STK38: variants seen among roughly 807,000 people sequenced by gnomAD.
The protein encoded by STK38 is serine/threonine-protein kinase 38.
A neutral mutation model predicts 59.0 loss-of-function variants in STK38; 26 were observed. The ratio of observed to expected loss-of-function variants is 0.44; its 90% CI spans 0.32 to 0.61. STK38 has a LOEUF of 0.61. Among genes scored for constraint, STK38 ranks in the 20% least tolerant of loss-of-function variants. The pLI, the probability that STK38 is intolerant of heterozygous loss-of-function variation, is 0.04. For synonymous variants in STK38, 175 were observed against 176.6 expected (o/e 0.99, Z 0.07); for missense variants, 433 against 566.0 (o/e 0.76, Z 2.38).
At position 36,527,207 on chromosome 6, in the gene STK38, A is replaced by AATATATATATATAT. The variant is rs1554168829; in HGVS notation, c.132-1566_132-1565insATATATATATATAT. Among the ~76,000 whole-genome samples the AATATATATATATAT allele has an allele frequency of 7.8e-4, 93 of 119,332 alleles. 3 individuals are homozygous for AATATATATATATAT. Among genetic ancestry groups the AATATATATATATAT allele is most frequent in the Admixed American group, 6.8e-3 (66 of 9,708 alleles). 78.3% of individuals were successfully genotyped at this position (119,332 alleles called of 152,430 possible). A position where few individuals can be genotyped will look rare whatever the true frequency, so the allele number is the denominator to read the frequency against. ...ACTCCGTCTCAAAAAAAAAAAAAAA[A>AATATATATATATAT]ATATATGTATATATATATATATTTA... On this transcript the variant is annotated intron_variant, in intron 2 of 13. Coordinates refer to ENST00000229812, the MANE Select transcript of STK38 (RefSeq NM_007271.4).
intron 7 of STK38, 68 bp downstream of exon 7, chr6:36,515,270 C>T: frequency 1.3e-6 from 2 of 1,550,994 alleles, no homozygotes; most frequent in Non-Finnish European, 1.7e-6. Flanking sequence ...CACAGGGGTG[C>T]AGGTGTTAAA....
At position 36,495,803 on chromosome 6, in the gene STK38, T is replaced by C. The variant is rs1210956779; in HGVS notation, c.1379A>G (p.Tyr460Cys). 1.6e-5 allele frequency: 26 copies of C among 1,614,028 alleles called. No homozygotes were observed. Among genetic ancestry groups the C allele is most frequent in the Non-Finnish European group, 2.0e-5 (24 of 1,179,936 alleles). ...GLTARGAIPS[Y>C]MKAAK ...AGAGTACTATTTTGCTGCTTTCATGTAGGAAGGTATTGCCCCCCTTGCAGT... is the reference window on the plus strand; with the variant it reads ...AGAGTACTATTTTGCTGCTTTCATGCAGGAAGGTATTGCCCCCCTTGCAGT... The change falls in exon 14 of 14, where the codon TAC becomes TGC. Residue 460 changes from tyrosine (Y) to cysteine (C), a missense_variant. By Grantham distance (194) the Tyr-to-Cys change is radical (BLOSUM62 -2). Around this residue, in one of 3 missense-constraint regions of STK38, gnomAD observed 136 missense variants for 156.7 expected, o/e 0.87. Transcript: ENST00000229812.
rs1368099570 is a variant in STK38 at position 36,507,928 on chromosome 6, G to C, written c.670-326C>G. On this transcript the variant is annotated intron_variant, in intron 7 of 13. Transcript: ENST00000229812. ...TTCCTCTGTTTCTATATGGTATTCAGAATTTTTTTTTTTTTTTTTTTTTGA... is the reference window on the plus strand; with the variant it reads ...TTCCTCTGTTTCTATATGGTATTCACAATTTTTTTTTTTTTTTTTTTTTGA... Among the ~76,000 whole-genome samples, 3 of 119,842 alleles carry C rather than the reference G, an allele frequency of 2.5e-5. No homozygotes were observed. The East Asian group carries it at 8.1e-4, about 32-fold the overall frequency. The allele number at this position is 119,842 out of a possible 152,430, so 78.6% of individuals were successfully genotyped here. A position where few individuals can be genotyped will look rare whatever the true frequency, so the allele number is the denominator to read the frequency against.
intron 12 of STK38, 77 bp downstream of exon 12, chr6:36,497,703 T>A: frequency 8.2e-7 from 1 of 1,217,948 alleles, no homozygotes; most frequent in Non-Finnish European, 1.2e-6. Context: ...GGCTTGCCAA[T>A]GATGGTCCTT....
chr6:36,497,659 C>A, intron 12 of STK38, 121 bp downstream of exon 12: 2 of 755,734 alleles, frequency 2.6e-6, no homozygotes, highest in Non-Finnish European at 4.3e-6. Flanking sequence ...CAGGAAAAGA[C>A]CCTAAATCTC....
intron 2 of STK38, among the ~76,000 whole-genome samples, chr6:36,533,752 C>G (rs1262051093): frequency 6.6e-6 from 1 of 152,128 alleles, no homozygotes; most frequent in Non-Finnish European, 1.5e-5. Context: ...AAACTCATAA[C>G]CATTTGCTTT....
At chr6:36,507,930 A>ATTT (rs35789250) in intron 7 of STK38, among the ~76,000 whole-genome samples, 22,279 of 112,934 alleles carry the variant, frequency 0.2, 2,615 homozygotes, top group East Asian at 0.32. Flanking sequence ...GGTATTCAGA[A>ATTT]TTTTTTTTTT....
intron 9 of STK38, 76 bp from the exon 10 acceptor site, chr6:36,500,066 C>T: frequency 9.3e-7 from 1 of 1,076,198 alleles, no homozygotes; most frequent in South Asian, 1.3e-5. Flanking sequence ...AAACCAAAGG[C>T]TATGAGTAAC....
intron 7 of STK38, among the ~76,000 whole-genome samples, chr6:36,513,848 TAAAAAAAAAA>T (rs1178706954): frequency 0.12 from 7,607 of 63,952 alleles, 323 homozygotes; most frequent in South Asian, 0.28. Context: ...TACTAAAAAT[TAAAAAAAAAA>T]AAAAAAAAAA....
chr6:36,524,329 T>G lies in STK38; in HGVS notation c.306+12A>C, dbSNP rs973863523. 3.1e-6 allele frequency: 5 copies of G among 1,596,268 alleles called. No individual in the cohort carries two copies. The highest frequency in any genetic ancestry group is 4.3e-6 in the Non-Finnish European group (5 of 1,175,266). ...AATATTTTTCTACTTGACAAGTAGC[T>G]GTGATTTTTACCTCACCAAATGCTC... On this transcript the variant is annotated intron_variant, in intron 4 of 13. Coordinates refer to ENST00000229812, the MANE Select transcript of STK38 (RefSeq NM_007271.4).
chr6:36,546,079 C>A (rs549368386), intron 1 of STK38, among the ~76,000 whole-genome samples: 43 of 152,304 alleles, frequency 2.8e-4, no homozygotes, highest in Admixed American at 5.9e-4. Context: ...GCTTAAGTCG[C>A]ATGTCTAATC....
At chr6:36,524,493 G>A (rs1214921882) in intron 3 of STK38, 30 bp from the exon 4 acceptor site, 13 of 1,574,408 alleles carry the variant, frequency 8.3e-6, no homozygotes, top group Middle Eastern at 3.4e-4. Flanking sequence ...GGGAGGAGAC[G>A]GGAAGGAACT....
At chr6:36,540,276 C>A (rs1243380512) in intron 1 of STK38, 69 bp from the exon 2 acceptor site, 5 of 1,475,728 alleles carry the variant, frequency 3.4e-6, no homozygotes, top group Middle Eastern at 1.8e-4. Flanking sequence ...CTCTCCTACC[C>A]TATTGGTAGG....
chr6:36,496,658 G>A, intron 13 of STK38, 53 bp downstream of exon 13: 1 of 1,317,426 alleles, frequency 7.6e-7, no homozygotes. Context: ...TCCCAAAATT[G>A]GGGGTAAATA....
At chr6:36,496,597 T>G in intron 13 of STK38, 114 bp downstream of exon 13, 1 of 786,376 alleles carries the variant, frequency 1.3e-6, no homozygotes, top group East Asian at 2.6e-5. Flanking sequence ...ACAAAGAACC[T>G]GAAGAAATGA....
intron 1 of STK38, among the ~76,000 whole-genome samples, chr6:36,542,432 A>G (rs1377957449): frequency 1.3e-5 from 2 of 152,204 alleles, no homozygotes; most frequent in African/African-American, 4.8e-5. Context: ...TTTACACAAG[A>G]AAAAAACACC....
At chr6:36,530,973 A>T (rs1477446089) in intron 2 of STK38, among the ~76,000 whole-genome samples, 2 of 152,144 alleles carry the variant, frequency 1.3e-5, no homozygotes, top group Admixed American at 1.3e-4. Context: ...TACATGTGTG[A>T]GCCCCTGTAC....
intron 2 of STK38, among the ~76,000 whole-genome samples, chr6:36,526,862 C>A (rs550295505): frequency 6.6e-6 from 1 of 150,702 alleles, no homozygotes; most frequent in East Asian, 2.0e-4. Flanking sequence ...CCACTCACTG[C>A]ACTCCAGCCT....
chr6:36,518,819 C>G (rs1223327594), intron 5 of STK38, among the ~76,000 whole-genome samples: 1 of 152,176 alleles, frequency 6.6e-6, no homozygotes, highest in Non-Finnish European at 1.5e-5. Flanking sequence ...TGGTTTTGGT[C>G]TTAACATATG....
Sources: allele counts gnomAD v4.1 joint callset (sites outside exome capture counted in the v4.1 genomes callset), GRCh38; gene constraint gnomAD v4.1.1; regional missense constraint gnomAD v4.1.1; transcripts MANE v1.5; gene names NCBI Gene and HGNC (gene_info 2026-07-23, HGNC 2026-07-21).